The following DNAH6 variants were observed in gnomAD, a reference collection of about 807,000 sequenced individuals.
DNAH6 encodes axonemal beta dynein heavy chain 6.
In DNAH6, 340 loss-of-function variants were observed where a neutral mutation model predicts 491.4. That is an observed-to-expected ratio of 0.69 (90% CI 0.63 to 0.76). The LOEUF (loss-of-function observed/expected upper bound fraction) is 0.76, where lower values mean the gene tolerates loss of function less well. DNAH6 is among the 30% of genes least tolerant of loss of function. The pLI is 0.00. For synonymous variants in DNAH6, 1,603 were observed against 1,686.1 expected (o/e 0.95, Z 1.21); for missense variants, 4,443 against 4,972.2 (o/e 0.89, Z 3.20).
Position 84,624,345 on chromosome 2 carries a change from T to G in DNAH6, c.4152T>G (p.Ile1384Met), listed in dbSNP as rs774196727. 1 of 1,551,324 alleles carries G rather than the reference T, an allele frequency of 6.4e-7. No individual in the cohort carries two copies. The highest frequency in any genetic ancestry group is 1.4e-5 in the African/African-American group (1 of 73,058). Residue 1384 changes from isoleucine to methionine, a missense_variant, in exon 27 of 77, where the codon ATT becomes ATG. By Grantham distance (10) the Ile-to-Met change is conservative. Around this residue, in one of 3 missense-constraint regions of DNAH6, gnomAD observed 2,977 missense variants for 3,296.6 expected, o/e 0.90. Transcript: ENST00000389394. ...HRNILTALIT[I>M]DVHARDIVTE... ...ACATCCTAACTGCATTGATTACTATTGATGTGCATGCAAGAGATATAGTCA... is the reference window on the plus strand; with the variant it reads ...ACATCCTAACTGCATTGATTACTATGGATGTGCATGCAAGAGATATAGTCA...
At chr2:84,713,866 C>T (rs529734396) in intron 57 of DNAH6, among the ~76,000 whole-genome samples, 1 of 152,290 alleles carries the variant, frequency 6.6e-6, no homozygotes, top group African/African-American at 2.4e-5. Context: ...GTGGGGGTAT[C>T]TTGTCCCCTT....
chr2:84,488,286 T>A, the DNAH6 span, among the ~76,000 whole-genome samples: 1 of 152,018 alleles, frequency 6.6e-6, no homozygotes, highest in Non-Finnish European at 1.5e-5. Flanking sequence ...AATCTAAAAG[T>A]TAGTGGGTGC....
intron 21 of DNAH6, among the ~76,000 whole-genome samples, chr2:84,607,812 G>T (rs1685923498): frequency 6.6e-6 from 1 of 152,076 alleles, no homozygotes; most frequent in Non-Finnish European, 1.5e-5. Flanking sequence ...AAGGTTGGGG[G>T]TGCTGTGGCA....
rs70953906 is a variant in DNAH6 at position 84,763,714 on chromosome 2, ATGTGTGTGTGTGTGTGTGTG to A, written c.10703+803_10703+822del. ...TCTCCAGAGAAATAGAACTGATAGG[ATGTGTGTGTGTGTGTGTGTG>A]TGTGTGTGTGTGTGTGTGTGTGTGT... On this transcript the variant is annotated intron_variant, in intron 64 of 76. Transcript: ENST00000389394. Among the ~76,000 whole-genome samples the A allele has an allele frequency of 6.5e-4, 82 of 126,894 alleles. 1 individual carries two copies. Among genetic ancestry groups the A allele is most frequent in the Non-Finnish European group, 9.2e-4 (54 of 58,734 alleles). 83.2% of individuals were successfully genotyped at this position (126,894 alleles called of 152,430 possible). A position where few individuals can be genotyped will look rare whatever the true frequency, so the allele number is the denominator to read the frequency against.
At chr2:84,764,042 C>T (rs563774756) in intron 64 of DNAH6, among the ~76,000 whole-genome samples, 7 of 152,218 alleles carry the variant, frequency 4.6e-5, no homozygotes, top group African/African-American at 7.2e-5. Context: ...AGCTAAGTCC[C>T]GCTCACTTAG....
intron 72 of DNAH6, among the ~76,000 whole-genome samples, chr2:84,811,205 C>T (rs185799590): frequency 2.8e-4 from 42 of 152,318 alleles, no homozygotes; most frequent in African/African-American, 8.4e-4. Context: ...GACACGTAGC[C>T]TTGTTTCATC....
intron 18 of DNAH6, among the ~76,000 whole-genome samples, chr2:84,599,968 C>T (rs1685059495): frequency 6.6e-6 from 1 of 152,010 alleles, no homozygotes; most frequent in Non-Finnish European, 1.5e-5. Context: ...GTTTTATAGC[C>T]CAGAATATGG....
Position 84,653,726 on chromosome 2 carries a change from CAGA to C in DNAH6, c.5490_5492del (p.Glu1830del). Reference sequence around the variant, plus strand: ...GTCCGAGCAGCTGTGAATGATACTTCAGAAGACCATAAATGGATCATCAGTGAT... The same window carrying C: ...GTCCGAGCAGCTGTGAATGATACTTCAGACCATAAATGGATCATCAGTGAT... On this transcript the variant is annotated inframe_deletion, in exon 34 of 77. Transcript: ENST00000389394. 1 of 1,551,284 alleles carries C rather than the reference CAGA, an allele frequency of 6.4e-7. No individual in the cohort carries two copies. The highest frequency in any genetic ancestry group is 8.7e-7 in the Non-Finnish European group (1 of 1,146,716).
intron 47 of DNAH6, among the ~76,000 whole-genome samples, chr2:84,698,660 A>G (rs1020530027): frequency 6.6e-6 from 1 of 152,254 alleles, no homozygotes; most frequent in Non-Finnish European, 1.5e-5. Context: ...TTGAACTACC[A>G]TTTGATCCAG....
Position 84,549,932 on chromosome 2 carries a change from A to T in DNAH6, c.1360A>T (p.Ile454Phe), listed in dbSNP as rs1476434058. Residue 454 changes from isoleucine (I) to phenylalanine (F), a missense_variant, in exon 9 of 77, where the codon ATC (isoleucine) becomes TTC (phenylalanine). Physicochemically the swap from Ile to Phe is conservative, Grantham distance 21 (BLOSUM62 0). This residue lies in a region of DNAH6 where 2,977 missense variants were observed against 3,296.6 expected (regional missense o/e 0.90). Coordinates refer to ENST00000389394, the MANE Select transcript of DNAH6 (RefSeq NM_001370.2). ...CTATCTAATTGAGAACACAATGCAC[A>T]TCTTAACGGTAAATGCTGTTAATTC... is the stretch of plus-strand genomic sequence containing the variant. ...NDYLIENTMH[I>F]LTVNAVNSLL... 6.2e-7 allele frequency: 1 copy of T among 1,613,784 alleles called. No homozygotes were observed. Among genetic ancestry groups the T allele is most frequent in the Non-Finnish European group, 8.5e-7 (1 of 1,179,924 alleles).
intron 44 of DNAH6, among the ~76,000 whole-genome samples, chr2:84,687,080 A>T (rs1227194017): frequency 1.3e-5 from 2 of 152,050 alleles, no homozygotes; most frequent in Admixed American, 6.5e-5. Context: ...TTAGTAGCAA[A>T]TTTTTTTATA....
At chr2:84,635,078 G>A (rs775292846) in intron 30 of DNAH6, among the ~76,000 whole-genome samples, 5 of 152,062 alleles carry the variant, frequency 3.3e-5, no homozygotes, top group Non-Finnish European at 7.4e-5. Context: ...AGCCCCAGAC[G>A]TCCTCTCGAT....
chr2:84,805,037 T>C (rs947669302), intron 70 of DNAH6, among the ~76,000 whole-genome samples: 8 of 152,124 alleles, frequency 5.3e-5, no homozygotes, highest in African/African-American at 1.9e-4. Context: ...GGTCTCAAAC[T>C]ATTGGGCTAA....
intron 14 of DNAH6, among the ~76,000 whole-genome samples, chr2:84,583,505 A>G (rs993089418): frequency 1.1e-4 from 17 of 152,234 alleles, no homozygotes; most frequent in Admixed American, 1.1e-3. Flanking sequence ...ATTTGACCGT[A>G]ACATTATAAT....
chr2:84,637,024 AC>A (rs1688948166), intron 30 of DNAH6, among the ~76,000 whole-genome samples, 185 bp from the exon 31 acceptor site: 1 of 152,192 alleles, frequency 6.6e-6, no homozygotes, highest in African/African-American at 2.4e-5. Context: ...ATCAGGAAAC[AC>A]AGAGCCCAGA....
intron 64 of DNAH6, among the ~76,000 whole-genome samples, chr2:84,773,550 T>C (rs377150837): frequency 6.0e-4 from 92 of 152,174 alleles, no homozygotes; most frequent in African/African-American, 2.0e-3. Context: ...GTCTTCTTAG[T>C]AGAACAATTG....
At chr2:84,789,727 C>A (rs1677563023) in intron 68 of DNAH6, among the ~76,000 whole-genome samples, 1 of 152,188 alleles carries the variant, frequency 6.6e-6, no homozygotes, top group African/African-American at 2.4e-5. Context: ...AAGAACACTT[C>A]GCCAGAGAGT....
At chr2:84,589,555 T>C (rs949306136) in intron 16 of DNAH6, among the ~76,000 whole-genome samples, 4 of 151,360 alleles carry the variant, frequency 2.6e-5, no homozygotes, top group Admixed American at 6.6e-5. Context: ...CCACTAAAAA[T>C]ACAAAAATTA....
rs187993458 is a variant in DNAH6 at position 84,597,702 on chromosome 2, A to G, written c.2868+1913A>G. ...TGTTCATAATAGCCAAAAGTAGGGG[A>G]AAAAACAAATTTCCATCAATTAATA... On this transcript the variant is annotated intron_variant, in intron 18 of 76. Coordinates refer to ENST00000389394, the MANE Select transcript of DNAH6 (RefSeq NM_001370.2). Among the ~76,000 whole-genome samples the G allele has an allele frequency of 3.6e-3, 548 of 152,362 alleles. 3 individuals are homozygous for G. The highest frequency in any genetic ancestry group is 6.7e-3 in the Non-Finnish European group (454 of 68,040).
Sources: allele counts gnomAD v4.1 joint callset (sites outside exome capture counted in the v4.1 genomes callset), GRCh38; gene constraint gnomAD v4.1.1; regional missense constraint gnomAD v4.1.1; transcripts MANE v1.5; gene names NCBI Gene and HGNC (gene_info 2026-07-23, HGNC 2026-07-21).